The following PDLIM5 variants were observed in gnomAD, a reference collection of about 807,000 sequenced individuals.
PDLIM5 encodes the protein PDZ and LIM domain 5.
Under a neutral mutation model 64.2 loss-of-function variants are expected in PDLIM5, and 34 were observed. The ratio of observed to expected loss-of-function variants is 0.53; its 90% confidence interval spans 0.40 to 0.71. The LOEUF is 0.71. Ranked by LOEUF, PDLIM5 falls within the 30% of genes least tolerant of loss-of-function variation. The pLI, the probability that PDLIM5 is intolerant of heterozygous loss-of-function variation, is 0.00. For missense variants in PDLIM5, 683 were observed against 733.6 expected, an observed-to-expected ratio of 0.93 and a Z score of 0.80; for synonymous variants, 253 against 269.1, an observed-to-expected ratio of 0.94 and a Z score of 0.59.
At chr4:94,457,181 C>T (rs1723452931) in intron 2 of PDLIM5, 2 of 973,354 alleles carry the variant, frequency 2.1e-6, no homozygotes, top group South Asian at 9.5e-5. Flanking sequence ...TACTGCAAAT[C>T]CCATTTTACT....
At chr4:94,526,122 A>G (rs769748806) in intron 3 of PDLIM5, among the ~76,000 whole-genome samples, 2 of 152,216 alleles carry the variant, frequency 1.3e-5, no homozygotes, top group African/African-American at 4.8e-5. Flanking sequence ...GAGCTCTTTC[A>G]TGGGTTGCGT....
intron 2 of PDLIM5, among the ~76,000 whole-genome samples, chr4:94,489,728 C>A (rs1317233409): frequency 3.3e-5 from 5 of 151,944 alleles, no homozygotes; most frequent in Non-Finnish European, 1.5e-5. Context: ...GAGTTCAAGA[C>A]CAGCCTGGGC....
In PDLIM5 at chr4:94,551,566, C is replaced by T. The variant is rs116348500; in HGVS notation, c.249-21785C>T. Among the ~76,000 whole-genome samples, 1,458 of 152,124 alleles carry T rather than the reference C, an allele frequency of 9.6e-3. 32 individuals carry two copies. Among genetic ancestry groups the T allele is most frequent in the African/African-American group, 0.032 (1,333 of 41,530 alleles). On this transcript the variant is annotated intron_variant, in intron 3 of 12. Coordinates refer to ENST00000317968, the MANE Select transcript of PDLIM5 (RefSeq NM_006457.5). ...TCACTTCATAGCCCATATTTTTAAC[C>T]GCAACCCTGTATTGCTTATTCATTT...
chr4:94,500,352 G>T (rs181013810), intron 2 of PDLIM5, among the ~76,000 whole-genome samples: 1 of 152,266 alleles, frequency 6.6e-6, no homozygotes, highest in Admixed American at 6.5e-5. Flanking sequence ...ATTAATATTT[G>T]TGAATTCCTT....
At chr4:94,570,024 A>G (rs1734676815) in intron 3 of PDLIM5, among the ~76,000 whole-genome samples, 1 of 152,104 alleles carries the variant, frequency 6.6e-6, no homozygotes, top group South Asian at 2.1e-4. Flanking sequence ...ATAAACCTTC[A>G]TGGCCACCTG....
At chr4:94,640,862 G>A (rs12641023) in intron 9 of PDLIM5, among the ~76,000 whole-genome samples, 55,655 of 152,016 alleles carry the variant, frequency 0.37, 11,208 homozygotes, top group South Asian at 0.61. Context: ...AGAACTTTGA[G>A]CCTTAGAGAA....
intron 7 of PDLIM5, among the ~76,000 whole-genome samples, chr4:94,604,408 C>A (rs1308908060): frequency 2.0e-5 from 3 of 152,030 alleles, no homozygotes; most frequent in South Asian, 2.1e-4. Flanking sequence ...CCAAGGCAGG[C>A]GGATCACTGG....
In PDLIM5 at chr4:94,585,582, T is replaced by C. The variant is rs760588489; in HGVS notation, c.728T>C (p.Ile243Thr). Residue 243 changes from isoleucine to threonine, a missense_variant, in exon 6 of 13, where the codon ATT (isoleucine) becomes ACT (threonine). Ile to Thr is a moderately conservative substitution (Grantham distance 89, BLOSUM62 -1). Transcript: ENST00000317968. ...KQQNGPPRKH[I>T]VERYTEFYHV... ...AACCCTAGCCCACCAAGAAAACACATTGTGGAGCGCTATACAGAGTTTTAT... is the reference window on the plus strand; with the variant it reads ...AACCCTAGCCCACCAAGAAAACACACTGTGGAGCGCTATACAGAGTTTTAT... The C allele has an allele frequency of 5.6e-6, 9 of 1,597,022 alleles. No homozygotes were observed. Among genetic ancestry groups the C allele is most frequent in the African/African-American group, 2.7e-5 (2 of 74,442 alleles).
At chr4:94,520,354 T>A (rs1414449873) in intron 2 of PDLIM5, among the ~76,000 whole-genome samples, 1 of 152,176 alleles carries the variant, frequency 6.6e-6, no homozygotes, top group Non-Finnish European at 1.5e-5. Flanking sequence ...TTTTATGAAA[T>A]ACATACACAC....
intron 7 of PDLIM5, among the ~76,000 whole-genome samples, chr4:94,602,879 C>G (rs983630889): frequency 6.6e-6 from 1 of 151,872 alleles, no homozygotes. Flanking sequence ...AATTTTAGTA[C>G]CAGGGTTGAA....
intron 2 of PDLIM5, among the ~76,000 whole-genome samples, chr4:94,460,559 T>C (rs993908077): frequency 6.6e-6 from 1 of 150,574 alleles, no homozygotes; most frequent in African/African-American, 2.5e-5. Context: ...AGTTCAAGGT[T>C]ACAGTGGGCT....
intron 7 of PDLIM5, among the ~76,000 whole-genome samples, chr4:94,600,706 G>T (rs1278683749): frequency 1.3e-5 from 2 of 152,194 alleles, no homozygotes; most frequent in Admixed American, 1.3e-4. Context: ...ATGATGGAAA[G>T]TGAGAGGGCC....
chr4:94,561,504 G>A (rs1333585125), intron 3 of PDLIM5, among the ~76,000 whole-genome samples: 1 of 152,132 alleles, frequency 6.6e-6, no homozygotes, highest in East Asian at 1.9e-4. Flanking sequence ...GTGCTTTTTC[G>A]TTTATCGTAG....
At chr4:94,539,983 T>C (rs533792656) in intron 3 of PDLIM5, among the ~76,000 whole-genome samples, 1 of 152,228 alleles carries the variant, frequency 6.6e-6, no homozygotes, top group East Asian at 1.9e-4. Flanking sequence ...GAAGAGTTTT[T>C]TGTAAGGCAA....
chr4:94,476,588 T>G (rs911239353), intron 2 of PDLIM5, among the ~76,000 whole-genome samples: 8 of 152,216 alleles, frequency 5.3e-5, no homozygotes, highest in Non-Finnish European at 7.3e-5. Context: ...ACAGTACACC[T>G]TGGATCTTCC....
In PDLIM5 at chr4:94,456,468, G is replaced by T. The variant is rs769636272; in HGVS notation, c.96+1084G>T. ...CCACCTCGGCCTCCCAAAGTGCTAAGATTACAGGCGTGAGCCACCGTGCCT... is the reference window on the plus strand; with the variant it reads ...CCACCTCGGCCTCCCAAAGTGCTAATATTACAGGCGTGAGCCACCGTGCCT... On this transcript the variant is annotated intron_variant, in intron 2 of 12. Coordinates refer to ENST00000317968, the MANE Select transcript of PDLIM5 (RefSeq NM_006457.5). 3 of 701,430 alleles carry T rather than the reference G, an allele frequency of 4.3e-6. No individual in the cohort carries two copies. The South Asian group carries it at 4.4e-5, about 10-fold the overall frequency. The allele number at this position is 701,430 out of a possible 1,614,324, so 43.5% of individuals were successfully genotyped here.
In PDLIM5 at chr4:94,664,878, A is replaced by C. The variant is rs548972666; in HGVS notation, c.*811A>C. On this transcript the variant is annotated 3_prime_UTR_variant, in exon 13 of 13. Coordinates refer to ENST00000317968, the MANE Select transcript of PDLIM5 (RefSeq NM_006457.5). ...GAGTGAGACTCTGTCTCCAAAAAAA[A>C]ACTTTGCTTGTATATTATTTTTGCC... is the stretch of plus-strand genomic sequence containing the variant. 1 of 955,708 alleles carries C rather than the reference A, an allele frequency of 1.0e-6. No individual in the cohort carries two copies. Among genetic ancestry groups the C allele is most frequent in the East Asian group, 1.2e-4 (1 of 8,646 alleles). 59.2% of individuals were successfully genotyped at this position (955,708 alleles called of 1,614,324 possible).
intron 3 of PDLIM5, among the ~76,000 whole-genome samples, chr4:94,532,968 A>G (rs1198816949): frequency 6.6e-6 from 1 of 152,160 alleles, no homozygotes; most frequent in Admixed American, 6.5e-5. Flanking sequence ...GCACCACTGC[A>G]CTCCAGACTG....
chr4:94,514,960 A>G (rs1461030970), intron 2 of PDLIM5, among the ~76,000 whole-genome samples: 2 of 152,236 alleles, frequency 1.3e-5, no homozygotes, highest in Non-Finnish European at 2.9e-5. Flanking sequence ...AAAGATACAT[A>G]TGCCAAAATA....
Sources: gnomAD v4.1 joint callset for allele counts (sites outside exome capture counted in the v4.1 genomes callset) on GRCh38, gnomAD v4.1.1 for gene constraint, MANE v1.5 for transcripts, NCBI Gene and HGNC (gene_info 2026-07-23, HGNC 2026-07-21) for gene names.